Variants in PLEKHG7 observed in about 807,000 individuals in gnomAD.
PLEKHG7 encodes pleckstrin homology and RhoGEF domain containing G7, also known as pleckstrin homology domain-containing family G member 7.
A neutral mutation model predicts 85.2 loss-of-function variants in PLEKHG7; 77 were observed. The observed-to-expected ratio is 0.90, with a 90% CI of 0.75 to 1.09. The LOEUF (loss-of-function observed/expected upper bound fraction) is 1.09, where lower values mean the gene tolerates loss of function less well. Among genes scored for constraint, PLEKHG7 ranks in the 50% least tolerant of loss-of-function variants. PLEKHG7 has a pLI of 0.00. For synonymous variants in PLEKHG7, 301 were observed against 302.4 expected, an observed-to-expected ratio of 1.00 and a Z score of 0.05; for missense variants, 777 against 804.3, an observed-to-expected ratio of 0.97 and a Z score of 0.41.
chr12:92,737,322 C>T (rs2136600197), intron 6 of PLEKHG7, 56 bp from the exon 7 acceptor site: 2 of 1,303,050 alleles, frequency 1.5e-6, no homozygotes, highest in South Asian at 2.7e-5. Context: ...AAATAGCCAA[C>T]AGGTCAATCC....
At chr12:92,768,837 A>G (rs1873302359) in intron 15 of PLEKHG7, 146 bp from the exon 16 acceptor site, 1 of 537,180 alleles carries the variant, frequency 1.9e-6, no homozygotes, top group Non-Finnish European at 3.2e-6. Context: ...AATTTAAAAA[A>G]AAATTATAAG....
At chr12:92,738,201 C>T (rs549310351) in intron 7 of PLEKHG7, among the ~76,000 whole-genome samples, 9 of 152,324 alleles carry the variant, frequency 5.9e-5, no homozygotes, top group Admixed American at 1.3e-4. Flanking sequence ...AAATAGCACC[C>T]CTATGGTCGC....
chr12:92,711,582 A>G (rs950806408), intron 3 of PLEKHG7, among the ~76,000 whole-genome samples: 3 of 152,206 alleles, frequency 2.0e-5, no homozygotes, highest in Non-Finnish European at 4.4e-5. Flanking sequence ...TCAAATGTTC[A>G]GTTTCCACCA....
chr12:92,746,363 A>G (rs1277742388), intron 10 of PLEKHG7, among the ~76,000 whole-genome samples: 1 of 152,236 alleles, frequency 6.6e-6, no homozygotes, highest in Non-Finnish European at 1.5e-5. Flanking sequence ...CATGGTTCCC[A>G]ATGACTCAGC....
At chr12:92,761,621 AAGAAGAAAG>A (rs1173828567) in intron 13 of PLEKHG7, 122 bp from the exon 14 acceptor site, 1 of 1,028,656 alleles carries the variant, frequency 9.7e-7, no homozygotes. Context: ...GAAAGAAAGA[AAGAAGAAAG>A]AAAGAAAGAA....
intron 13 of PLEKHG7, among the ~76,000 whole-genome samples, chr12:92,757,727 T>A (rs925626664): frequency 6.6e-6 from 1 of 152,182 alleles, no homozygotes; most frequent in Non-Finnish European, 1.5e-5. Flanking sequence ...GAGTACCAGC[T>A]GGAGCCTGGC....
At chr12:92,745,409 A>T (rs2136610269) in intron 9 of PLEKHG7, 69 bp from the exon 10 acceptor site, 1 of 1,059,900 alleles carries the variant, frequency 9.4e-7, no homozygotes, top group Admixed American at 1.9e-5. Context: ...GTGAGGAGAA[A>T]CACTCTTTCA....
Position 92,769,108 on chromosome 12 carries a change from G to T in PLEKHG7, c.1968+28G>T. On this transcript the variant is annotated intron_variant, in intron 16 of 16. Transcript: ENST00000344636. Reference sequence around the variant, plus strand: ...ATGTATTTTAATTTTGTAGGTCTTTGATTCTTCAGAGTTTACATAAGCTCC... The same window carrying T: ...ATGTATTTTAATTTTGTAGGTCTTTTATTCTTCAGAGTTTACATAAGCTCC... 4 of 1,466,598 alleles carry T rather than the reference G, an allele frequency of 2.7e-6. No individual in the cohort carries two copies. The South Asian group carries it at 4.8e-5, about 17-fold the overall frequency. 90.8% of individuals were successfully genotyped at this position (1,466,598 alleles called of 1,614,324 possible).
At chr12:92,768,307 T>C (rs1221700943) in intron 15 of PLEKHG7, among the ~76,000 whole-genome samples, 1 of 152,216 alleles carries the variant, frequency 6.6e-6, no homozygotes, top group Non-Finnish European at 1.5e-5. Context: ...GCTCCTGCTA[T>C]ATTAGAAAAA....
At chr12:92,721,998 C>T (rs1871662484) in intron 3 of PLEKHG7, among the ~76,000 whole-genome samples, 2 of 151,858 alleles carry the variant, frequency 1.3e-5, no homozygotes, top group East Asian at 1.9e-4. Context: ...GAATTCACTA[C>T]AGTGATTGCT....
At chr12:92,720,726 C>T (rs1288253508) in intron 3 of PLEKHG7, among the ~76,000 whole-genome samples, 2 of 152,208 alleles carry the variant, frequency 1.3e-5, no homozygotes, top group Non-Finnish European at 2.9e-5. Context: ...ATCATATCTA[C>T]TAAGACCCTT....
At chr12:92,728,483 T>G (rs1212274) in intron 3 of PLEKHG7, among the ~76,000 whole-genome samples, 4 of 150,494 alleles carry the variant, frequency 2.7e-5, no homozygotes, top group Admixed American at 2.6e-4. Flanking sequence ...CACACCACAT[T>G]CCATGGTGGT....
intron 3 of PLEKHG7, among the ~76,000 whole-genome samples, chr12:92,714,317 GT>G (rs1006287356): frequency 3.3e-5 from 5 of 152,158 alleles, no homozygotes; most frequent in Admixed American, 1.3e-4. Context: ...TGGGGAAGCT[GT>G]TTTTTTCTAG....
intron 15 of PLEKHG7, 30 bp from the exon 16 acceptor site, chr12:92,768,953 G>T: frequency 7.0e-7 from 1 of 1,422,308 alleles, no homozygotes; most frequent in African/African-American, 1.4e-5. Flanking sequence ...AAATGATTTG[G>T]CTTTTTGTCT....
chr12:92,720,837 C>T (rs1191773773), intron 3 of PLEKHG7, among the ~76,000 whole-genome samples: 4 of 152,104 alleles, frequency 2.6e-5, no homozygotes, highest in Non-Finnish European at 5.9e-5. Flanking sequence ...ATTCTTTTTC[C>T]TAAAGTAGTA....
At chr12:92,732,731 G>A (rs1257129214) in intron 5 of PLEKHG7, among the ~76,000 whole-genome samples, 2 of 152,146 alleles carry the variant, frequency 1.3e-5, no homozygotes, top group African/African-American at 4.8e-5. Context: ...ATCCTAGTGG[G>A]TTTAAATTCA....
chr12:92,761,655 A>AAAGAAAGG, intron 13 of PLEKHG7, 97 bp from the exon 14 acceptor site: 1 of 1,214,932 alleles, frequency 8.2e-7, no homozygotes, highest in South Asian at 1.9e-5. Context: ...AGAAAGAAAG[A>AAAGAAAGG]AAGAAAGAAA....
intron 10 of PLEKHG7, among the ~76,000 whole-genome samples, chr12:92,750,942 C>A (rs1268812591): frequency 2.0e-5 from 3 of 150,480 alleles, no homozygotes. Flanking sequence ...TACCCTGTCT[C>A]AATAAATAAA....
At chr12:92,721,702 CAAAAAAAA>C (rs71069170) in intron 3 of PLEKHG7, among the ~76,000 whole-genome samples, 1,627 of 43,368 alleles carry the variant, frequency 0.038, 35 homozygotes, top group African/African-American at 0.12. Flanking sequence ...AGCATAAAAC[CAAAAAAAA>C]AAAAAAAAAA....
Sources: gnomAD v4.1 joint callset for allele counts (sites outside exome capture counted in the v4.1 genomes callset) on GRCh38, gnomAD v4.1.1 for gene constraint, MANE v1.5 for transcripts, NCBI Gene and HGNC (gene_info 2026-07-23, HGNC 2026-07-21) for gene names.